Variants in TSBP1 observed in about 807,000 individuals in gnomAD.
TSBP1 encodes the protein testis-expressed basic protein 1.
Under a neutral mutation model 68.8 loss-of-function variants are expected in TSBP1, and 56 were observed. The observed-to-expected ratio is 0.81, with a 90% CI of 0.66 to 1.02. The LOEUF is 1.02. TSBP1 is among the 50% of genes least tolerant of loss of function. The probability of loss-of-function intolerance (pLI) is 0.00; values close to 1 mark genes in which losing one functional copy is unlikely to be tolerated. For missense variants in TSBP1, 502 were observed against 641.2 expected, an observed-to-expected ratio of 0.78 and a Z score of 2.34; for synonymous variants, 171 against 208.7, an observed-to-expected ratio of 0.82 and a Z score of 1.56.
In TSBP1 at chr6:32,355,226, C is replaced by G. The variant is rs976853539; in HGVS notation, c.239-82G>C. On this transcript the variant is annotated intron_variant, in intron 7 of 22. Coordinates refer to ENST00000612031, the Ensembl canonical transcript of TSBP1. ...TTTACATATCAGCTTCAGTTGCTGT[C>G]ACCCCCTTCTCAGGAGTTAAAGTCT... is the stretch of plus-strand genomic sequence containing the variant. The G allele has an allele frequency of 4.3e-6, 6 of 1,406,388 alleles. No individual in the cohort carries two copies. In the African/African-American group the frequency reaches 8.5e-5, roughly 20 times the overall value. The allele number at this position is 1,406,388 out of a possible 1,614,324, so 87.1% of individuals were successfully genotyped here.
intron 16 of TSBP1, among the ~76,000 whole-genome samples, chr6:32,327,655 T>TTTTATTTTCTTTCTTTCTTTC (rs1222486538): frequency 8.1e-5 from 3 of 36,938 alleles, no homozygotes; most frequent in Non-Finnish European, 2.3e-4. Flanking sequence ...TTTCTTTTTC[T>TTTTATTTTCTTTCTTTCTTTC]TTTTTTTTTT....
At chr6:32,298,893 A>G (rs932524526) in intron 22 of TSBP1, among the ~76,000 whole-genome samples, 1 of 152,376 alleles carries the variant, frequency 6.6e-6, no homozygotes, top group South Asian at 2.1e-4. Flanking sequence ...TAATCCCAAT[A>G]GAGATAAATC....
intron 19 of TSBP1, among the ~76,000 whole-genome samples, chr6:32,308,247 CTG>C (rs1280166149): frequency 2.6e-5 from 4 of 151,800 alleles, no homozygotes; most frequent in Admixed American, 2.0e-4. Context: ...AGCTTTTAAT[CTG>C]TGAGTTTAAT....
Position 32,325,972 on chromosome 6 carries a change from A to G in TSBP1, c.515-2358T>C, listed in dbSNP as rs553544308. ...TAATGGATTTGGTAATGATGGGAGCAATTTTGGAGGTGGTGGAAGCTACAA... is the reference window on the plus strand; with the variant it reads ...TAATGGATTTGGTAATGATGGGAGCGATTTTGGAGGTGGTGGAAGCTACAA... On this transcript the variant is annotated intron_variant, in intron 16 of 22. Transcript: ENST00000612031. This position sits in a 1 kb window ranked among gnomAD's most constrained non-coding sequence, Gnocchi z 4.4. 7 of 1,554,052 alleles carry G rather than the reference A, an allele frequency of 4.5e-6. No individual in the cohort carries two copies. The highest frequency in any genetic ancestry group is 3.3e-5 in the Admixed American group (2 of 59,940).
intron 19 of TSBP1, among the ~76,000 whole-genome samples, chr6:32,311,631 T>A (rs766283598): frequency 2.6e-5 from 4 of 152,066 alleles, no homozygotes; most frequent in Admixed American, 6.5e-5. Context: ...CAAGACAACA[T>A]AAGCAAACAA....
Position 32,365,647 on chromosome 6 carries a change from G to A in TSBP1, c.217+520C>T, listed in dbSNP as rs528066837. 15 of 455,572 alleles carry A rather than the reference G, an allele frequency of 3.3e-5. No individual in the cohort carries two copies. Among genetic ancestry groups the A allele is most frequent in the African/African-American group, 2.8e-4 (14 of 50,164 alleles). The allele number at this position is 455,572 out of a possible 1,614,324, so 28.2% of individuals were successfully genotyped here. ...GGGATGTGGGCACTCATTAAGTTCT[G>A]CACATTTTTTCTGTGGGAGAAATTG... On this transcript the variant is annotated intron_variant, in intron 6 of 22. Transcript: ENST00000612031. The surrounding 1 kb of genome is among the most constrained non-coding windows in gnomAD (Gnocchi z 4.3).
chr6:32,307,742 A>G (rs536977431), intron 19 of TSBP1, among the ~76,000 whole-genome samples: 1 of 150,100 alleles, frequency 6.7e-6, no homozygotes, highest in East Asian at 1.9e-4. Context: ...ATATTTGCAC[A>G]ATTATATCAA....
At chr6:32,324,700 C>T in intron 16 of TSBP1, 1 of 1,550,476 alleles carries the variant, frequency 6.4e-7, no homozygotes, top group South Asian at 1.2e-5. Context: ...AGCAAAGATA[C>T]TTTTTGTTAC....
At chr6:32,371,807 A>G in exon 1 of TSBP1, 1 of 1,406,636 alleles carries the variant, frequency 7.1e-7, no homozygotes, top group Non-Finnish European at 1.0e-6. Context: ...TTTCTGAGCA[A>G]TATGAACTTG....
intron 19 of TSBP1, among the ~76,000 whole-genome samples, chr6:32,308,597 C>A (rs868621231): frequency 2.0e-3 from 222 of 108,418 alleles, no homozygotes; most frequent in Admixed American, 2.5e-3. Context: ...GACTCCGTCT[C>A]AAAAAAAAAA....
intron 18 of TSBP1, among the ~76,000 whole-genome samples, chr6:32,320,458 T>C (rs967584358): frequency 6.6e-6 from 1 of 152,192 alleles, no homozygotes; most frequent in African/African-American, 2.4e-5. Context: ...GCATGTTGTA[T>C]CTTGAGGCTT....
intron 18 of TSBP1, among the ~76,000 whole-genome samples, chr6:32,322,011 T>C (rs1249459850): frequency 1.3e-5 from 2 of 152,212 alleles, no homozygotes; most frequent in East Asian, 1.9e-4. Context: ...CTCATCTCAC[T>C]CATTTACTGA....
chr6:32,317,665 A>C (rs1157960641), intron 18 of TSBP1, among the ~76,000 whole-genome samples: 2 of 152,242 alleles, frequency 1.3e-5, no homozygotes, highest in Non-Finnish European at 2.9e-5. Flanking sequence ...GGCACTTTTC[A>C]AAAGAAGACG....
At chr6:32,297,378 A>G (rs1764823206) in intron 22 of TSBP1, among the ~76,000 whole-genome samples, 1 of 152,238 alleles carries the variant, frequency 6.6e-6, no homozygotes, top group Non-Finnish European at 1.5e-5. Flanking sequence ...AAAAGTAATT[A>G]TTAAAATTTT....
At chr6:32,334,194 C>T (rs913516928) in intron 14 of TSBP1, among the ~76,000 whole-genome samples, 13 of 151,752 alleles carry the variant, frequency 8.6e-5, no homozygotes, top group Admixed American at 7.2e-4. Context: ...TACTCATTTC[C>T]CTTCTTTATT....
Position 32,325,581 on chromosome 6 carries a change from G to A in TSBP1, c.515-1967C>T. On this transcript the variant is annotated intron_variant, in intron 16 of 22. Coordinates refer to ENST00000612031, the Ensembl canonical transcript of TSBP1. The surrounding 1 kb of genome is among the most constrained non-coding windows in gnomAD (Gnocchi z 4.4). ...AGAAGACACTGAAGAAATCACCTAAGAAATTATTTTGAGTAGTATGGAAAA... is the reference window on the plus strand; with the variant it reads ...AGAAGACACTGAAGAAATCACCTAAAAAATTATTTTGAGTAGTATGGAAAA... 3.3e-6 allele frequency: 3 copies of A among 903,048 alleles called. No homozygotes were observed. The highest frequency in any genetic ancestry group is 3.2e-4 in the Middle Eastern group (1 of 3,174). 55.9% of individuals were successfully genotyped at this position (903,048 alleles called of 1,614,324 possible). A position where few individuals can be genotyped will look rare whatever the true frequency, so the allele number is the denominator to read the frequency against.
chr6:32,343,264 G>T lies in TSBP1; in HGVS notation c.350-3626C>A. ...CATGGATCCTTGAGGTAAAGCTAAAGAACAATAACAATTATTCAAGTCAGT... is the reference window on the plus strand; with the variant it reads ...CATGGATCCTTGAGGTAAAGCTAAATAACAATAACAATTATTCAAGTCAGT... On this transcript the variant is annotated intron_variant, in intron 9 of 22. Transcript: ENST00000612031. This position sits in a 1 kb window ranked among gnomAD's most constrained non-coding sequence, Gnocchi z 4.3. 2 of 1,389,058 alleles carry T rather than the reference G, an allele frequency of 1.4e-6. No homozygotes were observed. The highest frequency in any genetic ancestry group is 1.9e-6 in the Non-Finnish European group (2 of 1,064,208). 86.0% of individuals were successfully genotyped at this position (1,389,058 alleles called of 1,614,324 possible).
intron 6 of TSBP1, among the ~76,000 whole-genome samples, chr6:32,360,641 G>A (rs1440055009): frequency 2.0e-5 from 3 of 151,950 alleles, no homozygotes; most frequent in African/African-American, 7.3e-5. Context: ...TTCCATAATG[G>A]CTGTATTACT....
At chr6:32,369,620 T>C (rs3129940) in intron 2 of TSBP1, among the ~76,000 whole-genome samples, 116,775 of 151,958 alleles carry the variant, frequency 0.77, 45,159 homozygotes, top group South Asian at 0.9. Context: ...CCGCCCGCCT[T>C]GGCCTCCCAA....
Sources: gnomAD v4.1 joint callset for allele counts (sites outside exome capture counted in the v4.1 genomes callset) on GRCh38, gnomAD v4.1.1 for gene constraint, Gnocchi (gnomAD v3.1) non-coding constraint, MANE v1.5 for transcripts, NCBI Gene and HGNC (gene_info 2026-07-23, HGNC 2026-07-21) for gene names.